Variants in SYT6 observed in about 807,000 individuals in gnomAD.
SYT6 encodes the protein synaptotagmin 6, also known as synaptotagmin-6.
SYT6 carries 24 observed loss-of-function variants against 38.4 expected under a neutral mutation model. The observed-to-expected ratio is 0.62, with a 90% CI of 0.45 to 0.88. The LOEUF is 0.88. Among genes scored for constraint, SYT6 ranks in the 40% least tolerant of loss-of-function variants. The pLI is 0.00. For synonymous variants in SYT6, 265 were observed against 241.9 expected (o/e 1.10, Z -0.89); for missense variants, 611 against 621.0 (o/e 0.98, Z 0.17).
At chr1:114,092,311 ACT>A (rs35257020) in intron 7 of SYT6, among the ~76,000 whole-genome samples, 2,520 of 133,416 alleles carry the variant, frequency 0.019, 17 homozygotes, top group African/African-American at 0.032. Context: ...AGCTTTCTTA[ACT>A]CTCTCTCTCT....
chr1:114,137,496 C>T lies in SYT6; in HGVS notation c.1070G>A (p.Ser357Asn), dbSNP rs750818884. 1 of 1,612,566 alleles carries T rather than the reference C, an allele frequency of 6.2e-7. No individual in the cohort carries two copies. The highest frequency in any genetic ancestry group is 1.1e-5 in the South Asian group (1 of 91,002). Residue 357 changes from serine to asparagine, a missense_variant and splice_region_variant, in exon 3 of 8, where the codon AGT becomes AAT. By Grantham distance (46) the Ser-to-Asn change is conservative. Transcript: ENST00000610222. ...SIWKDIQYAT[S>N]ESVDLGEIMF... ...GCCAAGGAACAGGGCTGTACTTACA[C>T]TTGTGGCATATTGGATATCCTTCCA...
In SYT6 at chr1:114,129,458, T is replaced by C. The variant is rs560115012; in HGVS notation, c.1071+8037A>G. On this transcript the variant is annotated intron_variant, in intron 3 of 7. Transcript: ENST00000610222. ...CCTCTCCCACTTCATCTTTCACTCT[T>C]TCCCCTCCCCAGCCCTGTTTCTGCT... 1.1e-4 allele frequency among the ~76,000 whole-genome samples: 17 copies of C among 152,236 alleles called. No individual in the cohort carries two copies. In the East Asian group the frequency reaches 2.5e-3, roughly 22 times the overall value.
chr1:114,119,592 TAA>T (rs1677249002), intron 3 of SYT6, among the ~76,000 whole-genome samples: 1 of 152,210 alleles, frequency 6.6e-6, no homozygotes, highest in South Asian at 2.1e-4. Flanking sequence ...GATATTACGT[TAA>T]AGAGTGGGGA....
chr1:114,110,281 C>T (rs1294561974), intron 3 of SYT6, among the ~76,000 whole-genome samples: 1 of 152,184 alleles, frequency 6.6e-6, no homozygotes, highest in African/African-American at 2.4e-5. Context: ...AATGATAAGA[C>T]AAAGTCCCAG....
chr1:114,129,526 CTT>C (rs1024449384), intron 3 of SYT6, among the ~76,000 whole-genome samples: 188 of 150,484 alleles, frequency 1.2e-3, no homozygotes, highest in African/African-American at 4.5e-3. Context: ...TTGTTTTTCT[CTT>C]TCTTTCTTTC....
intron 3 of SYT6, 67 bp downstream of exon 3, chr1:114,137,425 TTTG>T: frequency 2.0e-6 from 3 of 1,520,060 alleles, no homozygotes; most frequent in Non-Finnish European, 2.7e-6. Context: ...GAAGTGAGGG[TTTG>T]GGGACATGTC....
intron 1 of SYT6, among the ~76,000 whole-genome samples, chr1:114,142,449 AT>A (rs1176813787): frequency 6.6e-6 from 1 of 152,188 alleles, no homozygotes; most frequent in African/African-American, 2.4e-5. Context: ...ATGAGTAAAT[AT>A]TTTATCTTCT....
intron 4 of SYT6, among the ~76,000 whole-genome samples, chr1:114,099,977 C>T (rs1675865272): frequency 6.6e-6 from 1 of 152,164 alleles, no homozygotes; most frequent in Non-Finnish European, 1.5e-5. Context: ...CGGGGAGACT[C>T]AGGGCAGCTG....
intron 3 of SYT6, among the ~76,000 whole-genome samples, chr1:114,132,424 G>C (rs933911514): frequency 6.6e-6 from 1 of 152,126 alleles, no homozygotes; most frequent in Non-Finnish European, 1.5e-5. Flanking sequence ...TCACTGTGGG[G>C]TTTCGGCCTC....
At chr1:114,122,872 CA>C (rs1321890085) in intron 3 of SYT6, among the ~76,000 whole-genome samples, 1 of 129,108 alleles carries the variant, frequency 7.7e-6, no homozygotes, top group Non-Finnish European at 1.7e-5. Context: ...GGTTGGTTCT[CA>C]AAATTTTCCC....
chr1:114,120,983 G>A (rs1677361489), intron 3 of SYT6, among the ~76,000 whole-genome samples: 1 of 152,230 alleles, frequency 6.6e-6, no homozygotes, highest in African/African-American at 2.4e-5. Context: ...TAGAGGCAGG[G>A]CCTTCATTGA....
At chr1:114,153,310 G>A (rs1470884645) in intron 1 of SYT6, among the ~76,000 whole-genome samples, 2 of 152,340 alleles carry the variant, frequency 1.3e-5, no homozygotes, top group East Asian at 3.9e-4. Context: ...GGAGATGCGA[G>A]GGAAACTGAA....
chr1:114,141,843 C>T (rs1119039), intron 1 of SYT6, among the ~76,000 whole-genome samples: 30,443 of 152,132 alleles, frequency 0.2, 3,444 homozygotes, highest in South Asian at 0.33. Context: ...AAGAATTATG[C>T]TCAATCTACT....
chr1:114,108,307 T>C (rs1389469597), intron 3 of SYT6, among the ~76,000 whole-genome samples: 1 of 152,194 alleles, frequency 6.6e-6, no homozygotes, highest in South Asian at 2.1e-4. Context: ...CAGAGGCCCA[T>C]CTGCAACAAC....
chr1:114,141,320 G>GTA (rs1678852941), intron 1 of SYT6, among the ~76,000 whole-genome samples: 1 of 152,202 alleles, frequency 6.6e-6, no homozygotes, highest in South Asian at 2.1e-4. Context: ...AAGCAAAACA[G>GTA]TCTTATTGCT....
intron 3 of SYT6, among the ~76,000 whole-genome samples, chr1:114,107,076 C>A (rs908829752): frequency 6.6e-6 from 1 of 152,206 alleles, no homozygotes; most frequent in African/African-American, 2.4e-5. Flanking sequence ...TGAGAGGGAG[C>A]AAACAAAAGG....
intron 1 of SYT6, among the ~76,000 whole-genome samples, chr1:114,151,716 C>T (rs761926776): frequency 5.9e-5 from 9 of 152,084 alleles, no homozygotes; most frequent in African/African-American, 1.9e-4. Context: ...GTGGAAAAGA[C>T]GGAAGGGAGC....
intron 3 of SYT6, among the ~76,000 whole-genome samples, chr1:114,104,339 G>A (rs1238974793): frequency 6.6e-6 from 1 of 152,188 alleles, no homozygotes; most frequent in Non-Finnish European, 1.5e-5. Context: ...CTCCTTAAAT[G>A]TGGTCATCCT....
intron 3 of SYT6, among the ~76,000 whole-genome samples, chr1:114,135,121 G>A (rs901470383): frequency 4.6e-5 from 7 of 152,014 alleles, no homozygotes; most frequent in Non-Finnish European, 1.0e-4. Flanking sequence ...TCAGACAGAC[G>A]GTAAGACAGG....
Sources: allele counts gnomAD v4.1 joint callset (sites outside exome capture counted in the v4.1 genomes callset), GRCh38; gene constraint gnomAD v4.1.1; transcripts MANE v1.5; gene names NCBI Gene and HGNC (gene_info 2026-07-23, HGNC 2026-07-21).